GPD2: variants seen among roughly 807,000 people sequenced by gnomAD.
GPD2 encodes glycerol-3-phosphate dehydrogenase, mitochondrial.
A neutral mutation model predicts 82.4 loss-of-function variants in GPD2; 54 were observed. The ratio of observed to expected loss-of-function variants is 0.66; its 90% CI spans 0.53 to 0.82. The LOEUF is 0.82. Ranked by LOEUF, GPD2 falls within the 40% of genes least tolerant of loss-of-function variation. The probability of loss-of-function intolerance (pLI) is 0.00; values close to 1 mark genes in which losing one functional copy is unlikely to be tolerated. For synonymous variants in GPD2, 288 were observed against 306.1 expected (o/e 0.94, Z 0.62); for missense variants, 748 against 896.2 (o/e 0.83, Z 2.11).
chr2:156,487,968 C>T (rs546843138), intron 2 of GPD2, among the ~76,000 whole-genome samples: 1 of 152,254 alleles, frequency 6.6e-6, no homozygotes, highest in Non-Finnish European at 1.5e-5. Context: ...TTTCTAATTG[C>T]TATTAAAAGA....
In GPD2 at chr2:156,471,928, G is replaced by T. The variant is rs138305806; in HGVS notation, c.-8-4170G>T. On this transcript the variant is annotated intron_variant, in intron 1 of 16. Coordinates refer to ENST00000438166, the MANE Select transcript of GPD2 (RefSeq NM_000408.5). ...TGTTTAGGTTTTGCCAACTGAGCTG[G>T]TGTTCTCCTTGCAAGAATTAGAGCT... 3.6e-3 allele frequency among the ~76,000 whole-genome samples: 542 copies of T among 152,296 alleles called. 3 individuals are homozygous for T. The highest frequency in any genetic ancestry group is 0.012 in the African/African-American group (518 of 41,554).
At chr2:156,522,758 A>G (rs995818122) in intron 6 of GPD2, among the ~76,000 whole-genome samples, 2 of 149,340 alleles carry the variant, frequency 1.3e-5, no homozygotes, top group African/African-American at 5.0e-5. Flanking sequence ...TATGATCTCT[A>G]TTTTACAGGA....
chr2:156,475,586 A>G (rs1162799649), intron 1 of GPD2, among the ~76,000 whole-genome samples: 1 of 152,164 alleles, frequency 6.6e-6, no homozygotes, highest in African/African-American at 2.4e-5. Context: ...TGTAGTGAAA[A>G]CTTCATTAGA....
intron 8 of GPD2, 122 bp downstream of exon 8, chr2:156,550,868 A>C: frequency 1.2e-6 from 1 of 861,714 alleles, no homozygotes; most frequent in South Asian, 1.4e-5. Context: ...ATCAGGAGAA[A>C]TAAGTAAAGG....
At chr2:156,506,534 G>T (rs1684790128) in intron 3 of GPD2, among the ~76,000 whole-genome samples, 1 of 151,884 alleles carries the variant, frequency 6.6e-6, no homozygotes, top group South Asian at 2.1e-4. Context: ...CTCCTGAGAT[G>T]GCTTGCTAAT....
At chr2:156,578,478 C>T (rs1422563015) in intron 13 of GPD2, among the ~76,000 whole-genome samples, 4 of 151,786 alleles carry the variant, frequency 2.6e-5, no homozygotes, top group Non-Finnish European at 5.9e-5. Context: ...AATATTGAAA[C>T]ATGCAGCAAC....
chr2:156,407,123 A>T, the GPD2 span, among the ~76,000 whole-genome samples: 729 of 152,184 alleles, frequency 4.8e-3, 5 homozygotes, highest in African/African-American at 0.017. Context: ...GAGGCAGGAG[A>T]ATCTCTTGAA....
At chr2:156,441,437 T>C (rs913009144) in intron 1 of GPD2, among the ~76,000 whole-genome samples, 7 of 152,058 alleles carry the variant, frequency 4.6e-5, no homozygotes, top group Admixed American at 2.0e-4. Context: ...TCCATGCTTG[T>C]AGTCCTCACT....
chr2:156,563,932 G>A (rs566885619), intron 9 of GPD2, among the ~76,000 whole-genome samples: 10 of 152,166 alleles, frequency 6.6e-5, no homozygotes, highest in South Asian at 2.1e-4. Flanking sequence ...CATTTCAAGC[G>A]CTTAATAACC....
rs1487599345 is a variant in GPD2 at position 156,584,254 on chromosome 2, G to C, written c.*1336G>C. 6.6e-6 allele frequency: 1 copy of C among 151,904 alleles called. No homozygotes were observed. Among genetic ancestry groups the C allele is most frequent in the Non-Finnish European group, 1.5e-5 (1 of 67,942 alleles). The allele number at this position is 151,904 out of a possible 1,614,324, so 9.4% of individuals were successfully genotyped here. On this transcript the variant is annotated 3_prime_UTR_variant, in exon 17 of 17. Transcript: ENST00000438166. ...ATATTTATTAATCGTACTTCCTCTT[G>C]TAAAGTTAACTACTTACTTTTTTGT...
chr2:156,513,658 G>A (rs1184162352), intron 6 of GPD2, among the ~76,000 whole-genome samples, 162 bp downstream of exon 6: 3 of 152,018 alleles, frequency 2.0e-5, no homozygotes, highest in Non-Finnish European at 4.4e-5. Flanking sequence ...TCTAACGGTG[G>A]CTGAAAAACT....
the GPD2 span, among the ~76,000 whole-genome samples, chr2:156,421,643 C>T: frequency 2.0e-5 from 3 of 152,130 alleles, no homozygotes; most frequent in South Asian, 2.1e-4. Context: ...TGAAACTACT[C>T]ATCTTTATAA....
chr2:156,509,240 C>A (rs1429407522), intron 3 of GPD2, among the ~76,000 whole-genome samples: 1 of 152,126 alleles, frequency 6.6e-6, no homozygotes, highest in African/African-American at 2.4e-5. Context: ...AATCAAAGTT[C>A]TCTACTTTTC....
chr2:156,505,664 C>T (rs541761545), intron 3 of GPD2, among the ~76,000 whole-genome samples: 1 of 152,198 alleles, frequency 6.6e-6, no homozygotes, highest in African/African-American at 2.4e-5. Context: ...GAGGGAAGAT[C>T]TCTCCCCAGC....
intron 1 of GPD2, among the ~76,000 whole-genome samples, chr2:156,450,813 T>C (rs1682531785): frequency 8.3e-6 from 1 of 120,758 alleles, no homozygotes; most frequent in Non-Finnish European, 1.7e-5. Flanking sequence ...CCCTGCGGCC[T>C]TCCGCAGTGT....
intron 6 of GPD2, among the ~76,000 whole-genome samples, chr2:156,538,624 TC>T (rs1427911823): frequency 6.6e-6 from 1 of 151,688 alleles, no homozygotes; most frequent in East Asian, 1.9e-4. Context: ...ATTGAGACCA[TC>T]CTGGCTAACA....
intron 1 of GPD2, among the ~76,000 whole-genome samples, chr2:156,453,480 A>C (rs1284346164): frequency 6.6e-6 from 1 of 152,028 alleles, no homozygotes; most frequent in African/African-American, 2.4e-5. Flanking sequence ...GAGTCTGCGG[A>C]GTTGATATAA....
intron 4 of GPD2, among the ~76,000 whole-genome samples, chr2:156,511,126 T>A (rs1259599738): frequency 6.6e-6 from 1 of 152,244 alleles, no homozygotes; most frequent in African/African-American, 2.4e-5. Context: ...AGGGGCTTTT[T>A]CTTCACAAGC....
At chr2:156,514,713 T>C (rs690945) in intron 6 of GPD2, among the ~76,000 whole-genome samples, 149,742 of 152,226 alleles carry the variant, frequency 0.98, 73,707 homozygotes, top group Middle Eastern at 1. Flanking sequence ...GGGTCTTAGG[T>C]AAACATTAAA....
Sources: gnomAD v4.1 joint callset for allele counts (sites outside exome capture counted in the v4.1 genomes callset) on GRCh38, gnomAD v4.1.1 for gene constraint, MANE v1.5 for transcripts, NCBI Gene and HGNC (gene_info 2026-07-23, HGNC 2026-07-21) for gene names.